The following TTC23L variants were observed in gnomAD, a reference collection of about 807,000 sequenced individuals.
TTC23L encodes the protein tetratricopeptide repeat domain 23 like, also known as tetratricopeptide repeat protein 23-like.
In TTC23L, 42 loss-of-function variants were observed where a neutral mutation model predicts 48.1. The observed-to-expected ratio is 0.87, with a 90% confidence interval of 0.68 to 1.13. The LOEUF (loss-of-function observed/expected upper bound fraction) is 1.13, where lower values mean the gene tolerates loss of function less well. TTC23L is among the 50% of genes most tolerant of loss of function. The pLI, the probability that TTC23L is intolerant of heterozygous loss-of-function variation, is 0.00. For missense variants in TTC23L, 391 were observed against 421.0 expected (o/e 0.93, Z 0.62); for synonymous variants, 159 against 157.2 (o/e 1.01, Z -0.09).
chr5:34,839,896 G>A (rs986271494), intron 1 of TTC23L, among the ~76,000 whole-genome samples: 1 of 152,192 alleles, frequency 6.6e-6, no homozygotes. Flanking sequence ...ACAGACACAT[G>A]AATTTCATTT....
At chr5:34,868,736 C>A in intron 7 of TTC23L, 169 bp from the exon 8 acceptor site, 3 of 605,538 alleles carry the variant, frequency 5.0e-6, no homozygotes, top group Non-Finnish European at 9.0e-6. Context: ...CCTTCCCAAA[C>A]CCTAATCAGT....
intron 10 of TTC23L, among the ~76,000 whole-genome samples, chr5:34,897,920 A>T (rs1298134614): frequency 6.6e-6 from 1 of 152,216 alleles, no homozygotes; most frequent in Non-Finnish European, 1.5e-5. Context: ...ACTTCAGTGC[A>T]TCCCTATGAA....
At chr5:34,850,968 G>A (rs1485933825) in intron 4 of TTC23L, among the ~76,000 whole-genome samples, 1 of 152,218 alleles carries the variant, frequency 6.6e-6, no homozygotes. Flanking sequence ...GCCAGCTCAA[G>A]ACTCTCTGTT....
At chr5:34,860,094 G>A (rs181379399) in intron 4 of TTC23L, among the ~76,000 whole-genome samples, 47 of 151,918 alleles carry the variant, frequency 3.1e-4, no homozygotes, top group African/African-American at 8.9e-4. Flanking sequence ...TGATCCGCCC[G>A]CCTCGGCCTC....
rs35797294 is a variant in TTC23L at position 34,840,237 on chromosome 5, CGGG to C, written c.-7-417_-7-415del. Among the ~76,000 whole-genome samples, 45 of 43,630 alleles carry C rather than the reference CGGG, an allele frequency of 1.0e-3. 4 individuals carry two copies. Among genetic ancestry groups the C allele is most frequent in the African/African-American group, 7.5e-3 (44 of 5,874 alleles). The allele number at this position is 43,630 out of a possible 152,430, so 28.6% of individuals were successfully genotyped here. On this transcript the variant is annotated intron_variant, in intron 1 of 10. Coordinates refer to ENST00000505624, the Ensembl canonical transcript of TTC23L. The stretch of plus-strand genomic sequence containing the variant: ...CTGCTATTAATTAGTGAAATGACCC[CGGG>C]GGGGGGGGGGAAAGCAGAATTAACC...
intron 8 of TTC23L, among the ~76,000 whole-genome samples, chr5:34,874,936 C>T (rs1333418504): frequency 2.0e-5 from 3 of 152,096 alleles, no homozygotes; most frequent in African/African-American, 7.2e-5. Context: ...CAAAAAACAA[C>T]GCCCAACCAT....
intron 6 of TTC23L, among the ~76,000 whole-genome samples, chr5:34,865,215 G>A (rs141610755): frequency 2.6e-5 from 4 of 152,330 alleles, no homozygotes; most frequent in African/African-American, 9.6e-5. Flanking sequence ...CTGTTCCCTA[G>A]ATTTTTCAAA....
At chr5:34,844,128 C>T (rs1315078816) in intron 2 of TTC23L, among the ~76,000 whole-genome samples, 4 of 152,110 alleles carry the variant, frequency 2.6e-5, no homozygotes, top group Non-Finnish European at 5.9e-5. Context: ...ATTCACCAGG[C>T]AGAGAAAAGG....
rs902195849 is a variant in TTC23L at position 34,859,804 on chromosome 5, G to GT, written c.380-3089dup. On this transcript the variant is annotated intron_variant, in intron 4 of 10. Coordinates refer to ENST00000505624, the Ensembl canonical transcript of TTC23L. ...TACATATTCAATGCATAGCTTATAC[G>GT]TTTTTCTTTTTTTTCTTTTCTTTTC... is the stretch of plus-strand genomic sequence containing the variant. 1.2e-3 allele frequency among the ~76,000 whole-genome samples: 174 copies of GT among 143,192 alleles called. 1 individual carries two copies. The Middle Eastern group carries it at 0.026, about 22-fold the overall frequency. The allele number at this position is 143,192 out of a possible 152,430, so 93.9% of individuals were successfully genotyped here.
the TTC23L span, chr5:34,916,263 T>C: frequency 1.2e-5 from 2 of 170,086 alleles, no homozygotes; most frequent in Non-Finnish European, 2.5e-5. Context: ...GTGATTAGTA[T>C]GCCCATATAC....
At chr5:34,911,673 G>A in the TTC23L span, 1 of 1,614,104 alleles carries the variant, frequency 6.2e-7, no homozygotes, top group Non-Finnish European at 8.5e-7. Context: ...TAACATTGGT[G>A]CTGCAGAAAT....
chr5:34,917,434 C>T, the TTC23L span, among the ~76,000 whole-genome samples: 7 of 151,794 alleles, frequency 4.6e-5, no homozygotes, highest in African/African-American at 1.7e-4. Context: ...GAGTTCAAGA[C>T]CAGCCTGGCC....
rs1760839979 is a variant in TTC23L, at chr5:34,863,650, T to C, written c.536+596T>C. ...GAAATGCTCTTGTGGATACTGCCCA[T>C]GAGGCTGGAGGCCAAGCAAAATAGA... On this transcript the variant is annotated intron_variant, in intron 5 of 10. Transcript: ENST00000505624. The surrounding 1 kb of genome is among the most constrained non-coding windows in gnomAD (Gnocchi z 4.1). Among the ~76,000 whole-genome samples, 1 of 152,214 alleles carries C rather than the reference T, an allele frequency of 6.6e-6. No homozygotes were observed. The highest frequency in any genetic ancestry group is 2.4e-5 in the African/African-American group (1 of 41,460).
At chr5:34,881,140 T>C (rs1357540108) in intron 9 of TTC23L, among the ~76,000 whole-genome samples, 1 of 152,216 alleles carries the variant, frequency 6.6e-6, no homozygotes, top group East Asian at 1.9e-4. Flanking sequence ...TGTATCTTGA[T>C]ACATGAGATC....
chr5:34,908,745 A>C, the TTC23L span: 1 of 1,564,916 alleles, frequency 6.4e-7, no homozygotes, highest in Non-Finnish European at 8.7e-7. Context: ...GTACACATAA[A>C]TATCAGTGAA....
At chr5:34,925,278 A>G in the TTC23L span, 1 of 1,613,158 alleles carries the variant, frequency 6.2e-7, no homozygotes, top group Non-Finnish European at 8.5e-7. Context: ...GAGAAACAGC[A>G]AGTGAAAGAT....
At chr5:34,868,917 T>C in exon 8 of TTC23L, 1 of 1,607,824 alleles carries the variant, frequency 6.2e-7, no homozygotes, top group Middle Eastern at 1.7e-4. Context: ...TCATTCTGTC[T>C]GTGTTTCTTT....
chr5:34,901,176 T>C (rs146016694), downstream of TTC23L, among the ~76,000 whole-genome samples: 42 of 152,192 alleles, frequency 2.8e-4, no homozygotes, highest in East Asian at 7.9e-3. Context: ...TGTTTAAAAA[T>C]ATTTCTAGGC....
intron 9 of TTC23L, among the ~76,000 whole-genome samples, chr5:34,894,963 G>A (rs1311824890): frequency 6.6e-6 from 1 of 152,020 alleles, no homozygotes; most frequent in Non-Finnish European, 1.5e-5. Context: ...GGAAAGGGAA[G>A]GATGACTAAT....
Sources: allele counts gnomAD v4.1 joint callset (sites outside exome capture counted in the v4.1 genomes callset), GRCh38; gene constraint gnomAD v4.1.1; non-coding constraint Gnocchi (gnomAD v3.1); transcripts MANE v1.5; gene names NCBI Gene and HGNC (gene_info 2026-07-23, HGNC 2026-07-21).